TMEM117: variants seen among roughly 807,000 people sequenced by gnomAD.
TMEM117 encodes transmembrane protein 117.
TMEM117 carries 27 observed loss-of-function variants against 52.4 expected under a neutral mutation model. That is an observed-to-expected ratio of 0.51 (90% CI 0.38 to 0.71). The LOEUF is 0.71. Among genes scored for constraint, TMEM117 ranks in the 30% least tolerant of loss-of-function variants. The pLI is 0.00. For missense variants in TMEM117, 556 were observed against 630.5 expected (o/e 0.88, Z 1.26); for synonymous variants, 215 against 206.3 (o/e 1.04, Z -0.36).
intron 3 of TMEM117, among the ~76,000 whole-genome samples, chr12:44,056,131 G>T (rs1205179095): frequency 6.6e-6 from 1 of 151,710 alleles, no homozygotes; most frequent in African/African-American, 2.4e-5. Flanking sequence ...ATACGTTCTT[G>T]CTCTGTCACC....
intron 5 of TMEM117, among the ~76,000 whole-genome samples, chr12:44,252,204 T>C (rs903022228): frequency 2.0e-5 from 3 of 152,134 alleles, no homozygotes; most frequent in African/African-American, 7.2e-5. Context: ...ACTTTATCCA[T>C]ATCCAAAGAT....
chr12:44,103,416 G>A (rs1947897988), intron 3 of TMEM117, among the ~76,000 whole-genome samples: 1 of 151,914 alleles, frequency 6.6e-6, no homozygotes, highest in Non-Finnish European at 1.5e-5. Flanking sequence ...GTATATATTT[G>A]TAGGTTCAAT....
intron 6 of TMEM117, among the ~76,000 whole-genome samples, chr12:44,306,641 C>A (rs1277707085): frequency 6.6e-6 from 1 of 152,136 alleles, no homozygotes; most frequent in Non-Finnish European, 1.5e-5. Flanking sequence ...AGTGTTTTAT[C>A]AATTTTTTCA....
intron 5 of TMEM117, among the ~76,000 whole-genome samples, chr12:44,255,127 A>G (rs1440837140): frequency 6.6e-6 from 1 of 152,194 alleles, no homozygotes; most frequent in South Asian, 2.1e-4. Flanking sequence ...ATACGTGTGC[A>G]TGTGTCTTTA....
At chr12:44,188,030 G>A (rs1008065049) in intron 4 of TMEM117, among the ~76,000 whole-genome samples, 3 of 152,052 alleles carry the variant, frequency 2.0e-5, no homozygotes, top group African/African-American at 7.2e-5. Context: ...CCTCTTCTAG[G>A]ACACATTTGA....
intron 3 of TMEM117, among the ~76,000 whole-genome samples, chr12:44,010,649 C>T (rs1946276166): frequency 6.6e-6 from 1 of 152,056 alleles, no homozygotes; most frequent in Non-Finnish European, 1.5e-5. Flanking sequence ...TAGAATATTA[C>T]CATGCTTGTT....
intron 3 of TMEM117, among the ~76,000 whole-genome samples, chr12:43,952,554 T>G (rs747742073): frequency 4.6e-5 from 7 of 152,098 alleles, no homozygotes; most frequent in South Asian, 2.1e-4. Flanking sequence ...GCTTGAAGAC[T>G]GTCTTGCTGA....
At chr12:44,308,087 T>C (rs990061610) in intron 6 of TMEM117, among the ~76,000 whole-genome samples, 10 of 152,194 alleles carry the variant, frequency 6.6e-5, no homozygotes, top group African/African-American at 2.2e-4. Context: ...GAAGGAATTA[T>C]AAGATTTGGT....
chr12:44,146,149 G>A (rs2138207638), intron 4 of TMEM117, among the ~76,000 whole-genome samples: 1 of 152,278 alleles, frequency 6.6e-6, no homozygotes, highest in Non-Finnish European at 1.5e-5. Context: ...TTCCTGGTTG[G>A]ATTTCTATTC....
At position 44,103,419 on chromosome 12, in the gene TMEM117, G is replaced by A. The variant is rs183023382; in HGVS notation, c.411-40106G>A. ...CTGAACTTTGAGGTATATATTTGTAGGTTCAATTTCTAACCCTTGCATTTA... is the reference window on the plus strand; with the variant it reads ...CTGAACTTTGAGGTATATATTTGTAAGTTCAATTTCTAACCCTTGCATTTA... On this transcript the variant is annotated intron_variant, in intron 3 of 7. Transcript: ENST00000266534. Among the ~76,000 whole-genome samples the A allele has an allele frequency of 5.3e-5, 8 of 151,854 alleles. No individual in the cohort carries two copies. In the East Asian group the frequency reaches 1.6e-3, roughly 30 times the overall value.
At chr12:43,980,225 A>T (rs1019499791) in intron 3 of TMEM117, among the ~76,000 whole-genome samples, 1 of 152,128 alleles carries the variant, frequency 6.6e-6, no homozygotes, top group African/African-American at 2.4e-5. Flanking sequence ...GTAGTAAGGT[A>T]GGTGATAGTT....
At chr12:43,903,374 G>A (rs1326173835) in intron 2 of TMEM117, among the ~76,000 whole-genome samples, 1 of 152,094 alleles carries the variant, frequency 6.6e-6, no homozygotes, top group Non-Finnish European at 1.5e-5. Context: ...GGGACTTATT[G>A]AATATAGAAT....
chr12:44,249,640 A>G (rs1463661201), intron 5 of TMEM117, among the ~76,000 whole-genome samples: 1 of 152,186 alleles, frequency 6.6e-6, no homozygotes, highest in Non-Finnish European at 1.5e-5. Context: ...GTACCAAAAG[A>G]AACATATAGA....
Position 44,363,011 on chromosome 12 carries a change from C to T in TMEM117, c.769-13584C>T, listed in dbSNP as rs866270633. Among the ~76,000 whole-genome samples, 11 of 152,010 alleles carry T rather than the reference C, an allele frequency of 7.2e-5. No individual in the cohort carries two copies. In the South Asian group the frequency reaches 1.9e-3, roughly 26 times the overall value. ...GGAACTACAGGTGCATGCCACCACA[C>T]CCAGCTGTGGTTTAATGAGAGACAC... On this transcript the variant is annotated intron_variant, in intron 6 of 7. Transcript: ENST00000266534.
intron 3 of TMEM117, among the ~76,000 whole-genome samples, chr12:44,036,941 G>A (rs887657298): frequency 6.6e-6 from 1 of 152,164 alleles, no homozygotes; most frequent in African/African-American, 2.4e-5. Context: ...TACAAATGAG[G>A]TTGAAATATC....
chr12:44,276,204 G>A (rs1950509236), intron 5 of TMEM117, among the ~76,000 whole-genome samples: 1 of 152,140 alleles, frequency 6.6e-6, no homozygotes, highest in Admixed American at 6.5e-5. Context: ...CATTGCAGTA[G>A]TGCTCATTAC....
chr12:44,286,047 C>T (rs570470044), intron 5 of TMEM117, among the ~76,000 whole-genome samples: 1 of 152,164 alleles, frequency 6.6e-6, no homozygotes, highest in East Asian at 1.9e-4. Flanking sequence ...TTTGCTATCC[C>T]ACTTCACTTT....
At chr12:43,932,774 A>G (rs549959979) in intron 2 of TMEM117, among the ~76,000 whole-genome samples, 1 of 152,360 alleles carries the variant, frequency 6.6e-6, no homozygotes, top group Admixed American at 6.5e-5. Flanking sequence ...AATTATTAAT[A>G]TATTTTAGTA....
intron 6 of TMEM117, among the ~76,000 whole-genome samples, chr12:44,337,636 T>C (rs1290855899): frequency 1.3e-5 from 2 of 152,000 alleles, no homozygotes; most frequent in African/African-American, 4.8e-5. Context: ...GTCATACAGC[T>C]GTGAGAGGAA....
Sources: gnomAD v4.1 joint callset for allele counts (sites outside exome capture counted in the v4.1 genomes callset) on GRCh38, gnomAD v4.1.1 for gene constraint, MANE v1.5 for transcripts, NCBI Gene and HGNC (gene_info 2026-07-23, HGNC 2026-07-21) for gene names.